The following KDM4C variants were observed in gnomAD, a reference collection of about 807,000 sequenced individuals.
KDM4C encodes lysine demethylase 4C.
A neutral mutation model predicts 129.3 loss-of-function variants in KDM4C; 81 were observed. The observed-to-expected ratio is 0.63, with a 90% confidence interval of 0.52 to 0.75. The LOEUF (loss-of-function observed/expected upper bound fraction) is 0.75. Ranked by LOEUF, KDM4C falls within the 30% of genes least tolerant of loss-of-function variation. The pLI, the probability that KDM4C is intolerant of heterozygous loss-of-function variation, is 0.00. For synonymous variants in KDM4C, 573 were observed against 456.1 expected (o/e 1.26, Z -3.26); for missense variants, 1,457 against 1,304.0 (o/e 1.12, Z -1.81).
At chr9:7,145,726 C>G (rs1002540484) in intron 19 of KDM4C, among the ~76,000 whole-genome samples, 6 of 152,254 alleles carry the variant, frequency 3.9e-5, no homozygotes, top group Non-Finnish European at 7.3e-5. Flanking sequence ...TAGAGCAAAA[C>G]TGAATAAACA....
In KDM4C at chr9:6,990,613, A is replaced by T. The variant is rs1222689157; in HGVS notation, c.1786+89A>T. 5 of 806,812 alleles carry T rather than the reference A, an allele frequency of 6.2e-6. No individual in the cohort carries two copies. The African/African-American group carries it at 7.0e-5, about 11-fold the overall frequency. The allele number at this position is 806,812 out of a possible 1,614,324, so 50.0% of individuals were successfully genotyped here. A position where few individuals can be genotyped will look rare whatever the true frequency, so the allele number is the denominator to read the frequency against. On this transcript the variant is annotated intron_variant, in intron 12 of 21. Transcript: ENST00000381309. ...AAAAAAAATTGCTGAATAGAAAAAA[A>T]ATTCAACAAGTAGCAAATACGTACT...
intron 15 of KDM4C, among the ~76,000 whole-genome samples, chr9:7,044,826 C>T (rs1200001604): frequency 2.6e-5 from 4 of 151,788 alleles, no homozygotes; most frequent in African/African-American, 9.7e-5. Context: ...GGGCCTATTA[C>T]AGAAATTCCA....
intron 6 of KDM4C, among the ~76,000 whole-genome samples, chr9:6,881,558 A>G (rs1844462399): frequency 6.6e-6 from 1 of 152,206 alleles, no homozygotes; most frequent in African/African-American, 2.4e-5. Context: ...GAACTTTTAA[A>G]ATGAAGCCGA....
At chr9:7,079,789 C>G (rs1032481678) in intron 17 of KDM4C, among the ~76,000 whole-genome samples, 9 of 152,134 alleles carry the variant, frequency 5.9e-5, no homozygotes, top group African/African-American at 1.9e-4. Context: ...GAAGACTTTC[C>G]TAGAAGTACA....
intron 1 of KDM4C, chr9:6,723,975 G>C (rs758525326): frequency 7.9e-5 from 12 of 152,188 alleles, no homozygotes; most frequent in Non-Finnish European, 1.3e-4. Flanking sequence ...TCCCAGTGGG[G>C]AAATGCCATA....
intron 1 of KDM4C, among the ~76,000 whole-genome samples, chr9:6,730,900 G>A (rs1817309989): frequency 6.6e-6 from 1 of 152,194 alleles, no homozygotes; most frequent in Non-Finnish European, 1.5e-5. Flanking sequence ...CTCAGCTCTT[G>A]TTACAGGCAA....
At chr9:6,987,230 T>C (rs547904889) in intron 11 of KDM4C, among the ~76,000 whole-genome samples, 2 of 152,184 alleles carry the variant, frequency 1.3e-5, no homozygotes, top group Non-Finnish European at 2.9e-5. Flanking sequence ...TCTTTCCTCA[T>C]GGACCCTGAA....
rs533903058 is a variant in KDM4C, at chr9:6,935,025, A to G, written c.921+41793A>G. ...AAGTTTTATGTATAATTTAAATATT[A>G]CAACGGCTAAACTGGTTTTGGGGAA... On this transcript the variant is annotated intron_variant, in intron 8 of 21. Transcript: ENST00000381309. 3.3e-5 allele frequency among the ~76,000 whole-genome samples: 5 copies of G among 152,276 alleles called. 1 individual carries two copies. In the South Asian group the frequency reaches 1.0e-3, roughly 32 times the overall value.
At chr9:6,991,122 G>A (rs1407908159) in intron 12 of KDM4C, among the ~76,000 whole-genome samples, 1 of 151,740 alleles carries the variant, frequency 6.6e-6, no homozygotes, top group Non-Finnish European at 1.5e-5. Flanking sequence ...TGTTATTCAT[G>A]CTGGAGTGCA....
intron 19 of KDM4C, among the ~76,000 whole-genome samples, chr9:7,161,401 G>A (rs138789030): frequency 2.8e-4 from 42 of 152,202 alleles, no homozygotes; most frequent in African/African-American, 6.3e-4. Context: ...GAGATCACCC[G>A]TCTTTTGCAT....
At chr9:6,914,016 T>G (rs1819829721) in intron 8 of KDM4C, among the ~76,000 whole-genome samples, 2 of 152,312 alleles carry the variant, frequency 1.3e-5, no homozygotes, top group Non-Finnish European at 1.5e-5. Context: ...TGTTTGCAGT[T>G]GAAAGCCTGA....
chr9:7,055,258 C>T (rs1830716573), intron 17 of KDM4C, among the ~76,000 whole-genome samples: 1 of 152,174 alleles, frequency 6.6e-6, no homozygotes. Context: ...AGCACAGTGC[C>T]TTTGGTTTCT....
At chr9:7,011,672 G>T in intron 12 of KDM4C, 26 bp from the exon 13 acceptor site, 1 of 1,600,930 alleles carries the variant, frequency 6.2e-7, no homozygotes, top group South Asian at 1.1e-5. Context: ...CCATGCTCAT[G>T]GTATTTTCCT....
At chr9:7,054,361 C>T (rs1315018215) in intron 17 of KDM4C, among the ~76,000 whole-genome samples, 3 of 151,980 alleles carry the variant, frequency 2.0e-5, no homozygotes, top group Admixed American at 6.6e-5. Context: ...ATTGATTGGC[C>T]GTAGTCATAA....
Position 6,986,532 on chromosome 9 carries a change from T to C in KDM4C, c.1543T>C (p.Ser515Pro). ...LSWPKSPESC[S>P]SVAESNGVLT... ...ATGGCCAAAGTCACCTGAGTCATGC[T>C]CATCAGTGGCAGAGAGTAATGGTGT... The change falls in exon 11 of 22, where the codon TCA (serine) becomes CCA (proline). Residue 515 changes from serine to proline, a missense_variant. Transcript: ENST00000381309. The C allele has an allele frequency of 6.2e-7, 1 of 1,614,074 alleles. No homozygotes were observed. The highest frequency in any genetic ancestry group is 8.5e-7 in the Non-Finnish European group (1 of 1,180,004).
intron 3 of KDM4C, among the ~76,000 whole-genome samples, chr9:6,807,629 G>C (rs1381682888): frequency 1.3e-5 from 2 of 150,200 alleles, no homozygotes; most frequent in African/African-American, 2.4e-5. Flanking sequence ...TGAGAAGTGA[G>C]GATACCCTCT....
At chr9:6,965,878 A>G (rs946649646) in intron 8 of KDM4C, among the ~76,000 whole-genome samples, 9 of 152,330 alleles carry the variant, frequency 5.9e-5, no homozygotes, top group African/African-American at 1.7e-4. Flanking sequence ...ATATCTTACT[A>G]CATTTCTGGG....
At chr9:6,918,612 G>C (rs968496333) in intron 8 of KDM4C, among the ~76,000 whole-genome samples, 1 of 152,108 alleles carries the variant, frequency 6.6e-6, no homozygotes, top group Non-Finnish European at 1.5e-5. Flanking sequence ...TTCCATAGTG[G>C]TTGAATTAAT....
At chr9:6,780,445 G>A (rs1824073383) in intron 1 of KDM4C, among the ~76,000 whole-genome samples, 1 of 151,558 alleles carries the variant, frequency 6.6e-6, no homozygotes, top group Non-Finnish European at 1.5e-5. Flanking sequence ...TTCTCATACT[G>A]TTATTAAAAA....
Sources: allele counts gnomAD v4.1 joint callset (sites outside exome capture counted in the v4.1 genomes callset), GRCh38; gene constraint gnomAD v4.1.1; transcripts MANE v1.5; gene names NCBI Gene and HGNC (gene_info 2026-07-23, HGNC 2026-07-21).